ADAM18: variants seen among roughly 807,000 people sequenced by gnomAD.
The protein encoded by ADAM18 is ADAM metallopeptidase domain 18.
A neutral mutation model predicts 94.4 loss-of-function variants in ADAM18; 117 were observed. That is an observed-to-expected ratio of 1.24 (90% CI 1.07 to 1.45). The LOEUF (loss-of-function observed/expected upper bound fraction) is 1.45, where lower values mean the gene tolerates loss of function less well. ADAM18 is among the 40% of genes most tolerant of loss of function. The pLI, the probability that ADAM18 is intolerant of heterozygous loss-of-function variation, is 0.00. For missense variants in ADAM18, 936 were observed against 880.0 expected (o/e 1.06, Z -0.81); for synonymous variants, 327 against 291.6 (o/e 1.12, Z -1.24).
chr8:39,641,678 C>T (rs976512914), intron 10 of ADAM18, among the ~76,000 whole-genome samples: 18 of 152,104 alleles, frequency 1.2e-4, no homozygotes, highest in African/African-American at 4.1e-4. Context: ...GGATAGTGAC[C>T]GCTAGCTCCA....
At chr8:39,631,104 T>C (rs1172053732) in intron 7 of ADAM18, among the ~76,000 whole-genome samples, 1 of 151,970 alleles carries the variant, frequency 6.6e-6, no homozygotes, top group Non-Finnish European at 1.5e-5. Flanking sequence ...ATTCCAAATA[T>C]GAGGACTTTT....
chr8:39,667,847 T>A (rs1288981327), intron 13 of ADAM18, 151 bp from the exon 14 acceptor site: 3 of 706,136 alleles, frequency 4.2e-6, no homozygotes, highest in Non-Finnish European at 7.0e-6. Flanking sequence ...AATACTGTAT[T>A]TGATTTTTTT....
intron 6 of ADAM18, among the ~76,000 whole-genome samples, chr8:39,614,523 A>G (rs1819380310): frequency 6.6e-6 from 1 of 152,240 alleles, no homozygotes; most frequent in African/African-American, 2.4e-5. Flanking sequence ...AACACTAAGT[A>G]CATAGACAGT....
intron 6 of ADAM18, among the ~76,000 whole-genome samples, chr8:39,616,473 T>A (rs1396126809): frequency 6.6e-6 from 1 of 152,116 alleles, no homozygotes; most frequent in Non-Finnish European, 1.5e-5. Flanking sequence ...TCAATGCTAT[T>A]CCTATCAAAC....
chr8:39,656,183 C>T lies in ADAM18; in HGVS notation c.1231-7612C>T, dbSNP rs1820677289. The stretch of plus-strand genomic sequence containing the variant: ...GAAACATGAAAGGCACAAAGCTAGC[C>T]AAGGTGATCTTGAAAAAAAAAACAA... On this transcript the variant is annotated intron_variant, in intron 12 of 19. Transcript: ENST00000265707. Among the ~76,000 whole-genome samples the T allele has an allele frequency of 2.0e-5, 3 of 150,758 alleles. No individual in the cohort carries two copies. In the South Asian group the frequency reaches 6.3e-4, roughly 32 times the overall value.
Position 39,609,533 on chromosome 8 carries a change from G to T in ADAM18, c.316G>T (p.Val106Leu), listed in dbSNP as rs748508180. Residue 106 changes from valine to leucine, a missense_variant, in exon 5 of 20, where the codon GTG becomes TTG. Transcript: ENST00000265707. ...GYAAEFPNSF[V>L]TLSICSGLRG... ...TGCTGCCGAATTTCCAAATTCATTT[G>T]TGACACTCAGTATATGTTCTGGTCT... 1 of 1,610,774 alleles carries T rather than the reference G, an allele frequency of 6.2e-7. No homozygotes were observed. Among genetic ancestry groups the T allele is most frequent in the South Asian group, 1.1e-5 (1 of 90,706 alleles).
At chr8:39,716,307 T>C (rs1481564886) in intron 18 of ADAM18, among the ~76,000 whole-genome samples, 1 of 152,022 alleles carries the variant, frequency 6.6e-6, no homozygotes, top group Non-Finnish European at 1.5e-5. Context: ...GAAATCTTTC[T>C]CTCTCATTTT....
At chr8:39,625,097 G>T (rs536822333) in intron 6 of ADAM18, among the ~76,000 whole-genome samples, 66 of 152,262 alleles carry the variant, frequency 4.3e-4, no homozygotes, top group African/African-American at 1.6e-3. Flanking sequence ...TTGGTATTTT[G>T]ATAGGAATTG....
chr8:39,712,974 A>G (rs1047152493), intron 18 of ADAM18, among the ~76,000 whole-genome samples: 1 of 152,192 alleles, frequency 6.6e-6, no homozygotes, highest in African/African-American at 2.4e-5. Context: ...AAGAGCCCAC[A>G]TTGCCAAGAC....
rs774540319 is a variant in ADAM18 at position 39,604,924 on chromosome 8, G to C, written c.133-1383G>C. On this transcript the variant is annotated intron_variant, in intron 2 of 19. Transcript: ENST00000265707. ...GTAGATGTACCTCAGAAGTTAGATA[G>C]ATTTTTATTGTGGACTTGCCATTGG... Among the ~76,000 whole-genome samples, 107 of 151,168 alleles carry C rather than the reference G, an allele frequency of 7.1e-4. 1 individual carries two copies. The highest frequency in any genetic ancestry group is 1.3e-4 in the Non-Finnish European group (9 of 67,702).
chr8:39,629,397 AC>A lies in ADAM18; in HGVS notation c.550del (p.Gln184AsnfsTer8). 6.3e-7 allele frequency: 1 copy of A among 1,584,892 alleles called. No homozygotes were observed. The highest frequency in any genetic ancestry group is 1.2e-5 in the South Asian group (1 of 86,522). On this transcript the variant is annotated frameshift_variant, in exon 7 of 20. Coordinates refer to ENST00000265707, the MANE Select transcript of ADAM18 (RefSeq NM_014237.3). LOFTEE classifies it high-confidence loss of function. ...AGATAAAAAATCTTTCAAAACTATT[AC>A]CCCAATATCTGGAAATATACATTAT... is the stretch of plus-strand genomic sequence containing the variant. The part of the protein sequence containing the change: ...SQIKNLSKLL[P>X]QYLEIYIIVE...
Position 39,729,981 on chromosome 8 carries a change from A to C in ADAM18, c.*41A>C, listed in dbSNP as rs778611192. ...CCATAGCAAATAACCTAAAGGAACG[A>C]ATGTGCTTTATTTATAACCTTACGT... On this transcript the variant is annotated 3_prime_UTR_variant, in exon 20 of 20. Coordinates refer to ENST00000265707, the MANE Select transcript of ADAM18 (RefSeq NM_014237.3). 1 of 1,575,646 alleles carries C rather than the reference A, an allele frequency of 6.3e-7. No individual in the cohort carries two copies. The highest frequency in any genetic ancestry group is 8.7e-7 in the Non-Finnish European group (1 of 1,145,408).
chr8:39,660,689 A>G (rs1820811125), intron 12 of ADAM18, among the ~76,000 whole-genome samples: 1 of 152,224 alleles, frequency 6.6e-6, no homozygotes, highest in Non-Finnish European at 1.5e-5. Context: ...TATCAACCAG[A>G]CAGAAAATTA....
chr8:39,619,950 G>C (rs931551631), intron 6 of ADAM18, among the ~76,000 whole-genome samples: 1 of 152,026 alleles, frequency 6.6e-6, no homozygotes, highest in African/African-American at 2.4e-5. Context: ...TGAGCAAAAA[G>C]AGGAAAATAT....
At chr8:39,680,574 A>T (rs1267167511) in intron 16 of ADAM18, among the ~76,000 whole-genome samples, 3 of 152,222 alleles carry the variant, frequency 2.0e-5, no homozygotes, top group African/African-American at 4.8e-5. Context: ...ATATTTCTTA[A>T]ATTATTTGAT....
At chr8:39,684,456 G>A (rs1375679955) in intron 16 of ADAM18, among the ~76,000 whole-genome samples, 1 of 152,156 alleles carries the variant, frequency 6.6e-6, no homozygotes, top group Non-Finnish European at 1.5e-5. Context: ...TTTAACTGGG[G>A]CACGAACTGG....
At chr8:39,722,446 G>A (rs1340142247) in intron 18 of ADAM18, among the ~76,000 whole-genome samples, 1 of 150,910 alleles carries the variant, frequency 6.6e-6, no homozygotes, top group African/African-American at 2.4e-5. Context: ...TACTGCATTG[G>A]CTCACTTATA....
intron 17 of ADAM18, among the ~76,000 whole-genome samples, chr8:39,704,390 A>T (rs878902892): frequency 1.3e-5 from 2 of 152,174 alleles, no homozygotes; most frequent in African/African-American, 4.8e-5. Context: ...TCCAGGATGC[A>T]AGGTTGGTTC....
At chr8:39,594,990 C>A (rs1818697901) in intron 2 of ADAM18, among the ~76,000 whole-genome samples, 1 of 151,646 alleles carries the variant, frequency 6.6e-6, no homozygotes, top group Non-Finnish European at 1.5e-5. Context: ...TGTTATAGTA[C>A]CCTAGGTCCC....
Sources: gnomAD v4.1 joint callset for allele counts (sites outside exome capture counted in the v4.1 genomes callset) on GRCh38, gnomAD v4.1.1 for gene constraint, MANE v1.5 for transcripts, NCBI Gene and HGNC (gene_info 2026-07-23, HGNC 2026-07-21) for gene names.